Variants in FREM3 observed in about 807,000 individuals in gnomAD.
The protein encoded by FREM3 is FRAS1-related extracellular matrix protein 3.
FREM3 carries 105 observed loss-of-function variants against 129.1 expected under a neutral mutation model. The observed-to-expected ratio is 0.81, with a 90% confidence interval of 0.69 to 0.96. The LOEUF (loss-of-function observed/expected upper bound fraction) is 0.96. FREM3 is among the 40% of genes least tolerant of loss of function. FREM3 has a pLI of 0.00. For synonymous variants in FREM3, 1,014 were observed against 1,044.9 expected (o/e 0.97, Z 0.57); for missense variants, 2,593 against 2,666.3 (o/e 0.97, Z 0.61).
chr4:143,699,759 C>A lies in FREM3; in HGVS notation c.917G>T (p.Arg306Met). 1.3e-6 allele frequency: 2 copies of A among 1,527,480 alleles called. No homozygotes were observed. The highest frequency in any genetic ancestry group is 1.8e-6 in the Non-Finnish European group (2 of 1,141,556). The allele number at this position is 1,527,480 out of a possible 1,614,324, so 94.6% of individuals were successfully genotyped here. A position where few individuals can be genotyped will look rare whatever the true frequency, so the allele number is the denominator to read the frequency against. Reference protein sequence around the residue: ...IRGGAENTPPRPSFMATMMME... With the variant: ...IRGGAENTPPMPSFMATMMME... ...CATCATCGTGGCCATGAAGCTGGGC[C>A]TGGGCGGTGTGTTCTCGGCTCCGCC... is the stretch of plus-strand genomic sequence containing the variant. Residue 306 changes from arginine to methionine, a missense_variant, in exon 1 of 8, where the codon AGG (arginine) becomes ATG (methionine). By Grantham distance (91) the Arg-to-Met change is moderately conservative. This residue lies in a region of FREM3 where 2,276 missense variants were observed against 2,267.2 expected (regional missense o/e 1.00). Coordinates refer to ENST00000329798, the MANE Select transcript of FREM3 (RefSeq NM_001168235.2). The surrounding 1 kb of genome is among the most constrained non-coding windows in gnomAD (Gnocchi z 4.2).
Position 143,697,932 on chromosome 4 carries a change from A to G in FREM3, c.2744T>C (p.Phe915Ser). ...GRDQTTTSDT[F>S]HLEVSDGVHH... ...CACCCCATCACTTACTTCCAGATGGAAAGTGTCACTGGTAGTCGTCTGGTC... is the reference window on the plus strand; with the variant it reads ...CACCCCATCACTTACTTCCAGATGGGAAGTGTCACTGGTAGTCGTCTGGTC... Residue 915 changes from phenylalanine (F) to serine (S), a missense_variant, in exon 1 of 8, where the codon TTC (phenylalanine) becomes TCC (serine). Physicochemically the swap from Phe to Ser is radical, Grantham distance 155 (BLOSUM62 -2). This residue lies in a region of FREM3 where 2,276 missense variants were observed against 2,267.2 expected (regional missense o/e 1.00). Coordinates refer to ENST00000329798, the MANE Select transcript of FREM3 (RefSeq NM_001168235.2). The G allele has an allele frequency of 2.0e-6, 3 of 1,537,864 alleles. No individual in the cohort carries two copies. The highest frequency in any genetic ancestry group is 2.6e-6 in the Non-Finnish European group (3 of 1,147,042).
In FREM3 at chr4:143,590,246, C is replaced by T. The variant is rs181044445; in HGVS notation, c.6029-4253G>A. ...CCCTTTATTTCCTTCTCCTGCCTGACTGCCCTGGCCAGAACTTCCAACACT... is the reference window on the plus strand; with the variant it reads ...CCCTTTATTTCCTTCTCCTGCCTGATTGCCCTGGCCAGAACTTCCAACACT... On this transcript the variant is annotated intron_variant, in intron 6 of 7. Transcript: ENST00000329798. 5.3e-3 allele frequency among the ~76,000 whole-genome samples: 806 copies of T among 152,066 alleles called. 9 individuals are homozygous for T. The highest frequency in any genetic ancestry group is 0.018 in the African/African-American group (751 of 41,420).
chr4:143,636,602 G>T (rs1739237730), intron 2 of FREM3, among the ~76,000 whole-genome samples: 1 of 151,674 alleles, frequency 6.6e-6, no homozygotes, highest in African/African-American at 2.4e-5. Flanking sequence ...TTTCCCATTA[G>T]GTTAAAAAAT....
intron 2 of FREM3, among the ~76,000 whole-genome samples, chr4:143,678,779 A>G (rs1018822569): frequency 4.6e-5 from 7 of 152,176 alleles, no homozygotes; most frequent in Non-Finnish European, 8.8e-5. Context: ...AAACTTCAAT[A>G]TAGTCATAAA....
At chr4:143,635,114 A>T (rs755352484) in intron 2 of FREM3, among the ~76,000 whole-genome samples, 2 of 152,172 alleles carry the variant, frequency 1.3e-5, no homozygotes, top group Non-Finnish European at 2.9e-5. Context: ...GACACTATGT[A>T]CTTCAATGAG....
At chr4:143,598,982 G>A (rs1454182970) in intron 6 of FREM3, among the ~76,000 whole-genome samples, 1 of 152,162 alleles carries the variant, frequency 6.6e-6, no homozygotes, top group African/African-American at 2.4e-5. Context: ...CTCTCATTAA[G>A]TGACACATGA....
At chr4:143,601,001 A>G (rs1483332878) in intron 6 of FREM3, among the ~76,000 whole-genome samples, 1 of 149,610 alleles carries the variant, frequency 6.7e-6, no homozygotes, top group African/African-American at 2.5e-5. Context: ...AATGGCCTCT[A>G]AAATATTTCC....
At chr4:143,605,303 A>G (rs1335857924) in intron 6 of FREM3, among the ~76,000 whole-genome samples, 1 of 152,120 alleles carries the variant, frequency 6.6e-6, no homozygotes, top group Non-Finnish European at 1.5e-5. Context: ...GGCACGGCTC[A>G]AGGGTATACT....
chr4:143,610,219 T>A (rs944543584), intron 6 of FREM3, among the ~76,000 whole-genome samples: 5 of 152,180 alleles, frequency 3.3e-5, no homozygotes, highest in African/African-American at 1.2e-4. Context: ...ATTTCAGAGA[T>A]CTGGTCCACA....
At chr4:143,620,949 T>G (rs1738935100) in intron 5 of FREM3, 88 bp downstream of exon 5, 2 of 1,316,386 alleles carry the variant, frequency 1.5e-6, no homozygotes, top group South Asian at 1.4e-5. Context: ...AACTCTGCTT[T>G]GCTCACCCTC....
At chr4:143,687,688 G>C (rs188305247) in intron 2 of FREM3, among the ~76,000 whole-genome samples, 2 of 152,162 alleles carry the variant, frequency 1.3e-5, no homozygotes, top group African/African-American at 2.4e-5. Flanking sequence ...TTCATATCAG[G>C]GATGCAGGGA....
intron 6 of FREM3, among the ~76,000 whole-genome samples, chr4:143,589,088 G>C (rs182935381): frequency 6.6e-6 from 1 of 151,828 alleles, no homozygotes; most frequent in East Asian, 1.9e-4. Context: ...TGTGGATGGG[G>C]TTGTTTTTTT....
rs533891160 is a variant in FREM3, at chr4:143,660,800, G to C, written c.5275+32313C>G. Among the ~76,000 whole-genome samples, 282 of 151,706 alleles carry C rather than the reference G, an allele frequency of 1.9e-3. 2 individuals carry two copies. The highest frequency in any genetic ancestry group is 9.2e-3 in the South Asian group (44 of 4,794). On this transcript the variant is annotated intron_variant, in intron 2 of 7. Transcript: ENST00000329798. ...AGTTCTCCTTGAAGAGGTCCTTCACGTCCCTTGTAAGTTGGATTCCTAGGT... is the reference window on the plus strand; with the variant it reads ...AGTTCTCCTTGAAGAGGTCCTTCACCTCCCTTGTAAGTTGGATTCCTAGGT...
At position 143,577,674 on chromosome 4, in the gene FREM3, A is replaced by T; in HGVS notation, c.6357T>A (p.Thr2119=). 6.5e-7 allele frequency: 1 copy of T among 1,537,194 alleles called. No homozygotes were observed. Residue 2119 remains threonine, a synonymous_variant, in exon 8 of 8, where the codon ACT becomes ACA. Coordinates refer to ENST00000329798, the MANE Select transcript of FREM3 (RefSeq NM_001168235.2). The part of the protein sequence containing the change: ...MGAVLGEPNK[T]TIFIEDTITD... ...TGATGGTGTCCTCGATGAAAATGGT[A>T]GTTTTATTTGGTTCTCCAAGCACTG...
At chr4:143,599,514 A>T (rs1327266060) in intron 6 of FREM3, among the ~76,000 whole-genome samples, 1 of 152,178 alleles carries the variant, frequency 6.6e-6, no homozygotes, top group Non-Finnish European at 1.5e-5. Flanking sequence ...ATATTTCTGC[A>T]TTGGGATGTC....
intron 5 of FREM3, among the ~76,000 whole-genome samples, chr4:143,613,358 A>G (rs1435473878): frequency 6.6e-6 from 1 of 152,134 alleles, no homozygotes; most frequent in Non-Finnish European, 1.5e-5. Flanking sequence ...TTGAAACCTT[A>G]TTATCTCATG....
intron 2 of FREM3, among the ~76,000 whole-genome samples, chr4:143,671,283 T>C (rs2149855799): frequency 6.6e-6 from 1 of 152,314 alleles, no homozygotes; most frequent in Middle Eastern, 3.4e-3. Context: ...ACTATATCAA[T>C]TGAATTAACC....
At chr4:143,692,195 T>C (rs1740483986) in intron 2 of FREM3, among the ~76,000 whole-genome samples, 1 of 152,164 alleles carries the variant, frequency 6.6e-6, no homozygotes, top group Non-Finnish European at 1.5e-5. Flanking sequence ...CTCTTTGACA[T>C]AGGTATGAAG....
intron 2 of FREM3, among the ~76,000 whole-genome samples, chr4:143,664,858 C>G (rs928743553): frequency 6.6e-6 from 1 of 152,162 alleles, no homozygotes; most frequent in African/African-American, 2.4e-5. Context: ...TGCTAGCAAT[C>G]AGCGAGACTC....
Sources: allele counts gnomAD v4.1 joint callset (sites outside exome capture counted in the v4.1 genomes callset), GRCh38; gene constraint gnomAD v4.1.1; regional missense constraint gnomAD v4.1.1; non-coding constraint Gnocchi (gnomAD v3.1); transcripts MANE v1.5; gene names NCBI Gene and HGNC (gene_info 2026-07-23, HGNC 2026-07-21).